The following ANK3 variants were observed in gnomAD, a reference collection of about 807,000 sequenced individuals.
ANK3 encodes ankyrin-3.
A neutral mutation model predicts 370.9 loss-of-function variants in ANK3; 57 were observed. The ratio of observed to expected loss-of-function variants is 0.15; its 90% CI spans 0.12 to 0.19. The LOEUF (loss-of-function observed/expected upper bound fraction) is 0.19, where lower values mean the gene tolerates loss of function less well. Among genes scored for constraint, ANK3 ranks in the 10% least tolerant of loss-of-function variants. The pLI, the probability that ANK3 is intolerant of heterozygous loss-of-function variation, is 1.00. For synonymous variants in ANK3, 1,929 were observed against 1,946.3 expected, an observed-to-expected ratio of 0.99 and a Z score of 0.23; for missense variants, 4,439 against 5,302.1, an observed-to-expected ratio of 0.84 and a Z score of 5.06.
At chr10:60,138,427 C>T in intron 24 of ANK3, 1 of 349,964 alleles carries the variant, frequency 2.9e-6, no homozygotes, top group Non-Finnish European at 5.1e-6. Context: ...CACTGTTATA[C>T]TTCTTACATG....
intron 2 of ANK3, among the ~76,000 whole-genome samples, chr10:60,510,328 G>A (rs758769356): frequency 1.7e-4 from 26 of 152,134 alleles, no homozygotes; most frequent in Non-Finnish European, 2.8e-4. Context: ...TGGCACATGC[G>A]TGGTTTTCTC....
At chr10:60,138,379 GA>G (rs2094440776) in intron 24 of ANK3, 1 of 278,282 alleles carries the variant, frequency 3.6e-6, no homozygotes, top group Admixed American at 5.2e-5. Flanking sequence ...TGTAAGAACT[GA>G]ATTTGTCACC....
chr10:60,676,370 C>T (rs1184597875), intron 1 of ANK3, among the ~76,000 whole-genome samples: 3 of 147,936 alleles, frequency 2.0e-5, no homozygotes, highest in African/African-American at 7.5e-5. Flanking sequence ...GTTTTACATA[C>T]AAGCTTATTA....
intron 1 of ANK3, chr10:60,684,398 G>A (rs2079240203): frequency 4.8e-6 from 3 of 624,662 alleles, no homozygotes; most frequent in Non-Finnish European, 8.0e-6. Context: ...GAGTGAAGGG[G>A]AGGGAAGGAT....
chr10:60,326,849 G>C (rs1593816272), intron 1 of ANK3, among the ~76,000 whole-genome samples: 3 of 150,772 alleles, frequency 2.0e-5, no homozygotes, highest in African/African-American at 7.3e-5. Context: ...GTGAAACCCC[G>C]TCTCTACTAA....
intron 4 of ANK3, among the ~76,000 whole-genome samples, chr10:60,274,944 A>C (rs1282879210): frequency 6.6e-6 from 1 of 152,006 alleles, no homozygotes; most frequent in Admixed American, 6.6e-5. Context: ...TATTGCCATC[A>C]CTCCCTAGCT....
In ANK3 at chr10:60,060,308, TA is replaced by T. The variant is rs2080137253; in HGVS notation, c.12596-879del. The T allele has an allele frequency of 2.7e-5, 5 of 184,692 alleles. No homozygotes were observed. In the South Asian group the frequency reaches 8.6e-4, roughly 32 times the overall value. The allele number at this position is 184,692 out of a possible 1,614,324, so 11.4% of individuals were successfully genotyped here. Reference sequence around the variant, plus strand: ...GCAGACTAAATATATAAAGTTTATATATTTAAGTTTATATAAAGACCAATAT... The same window carrying T: ...GCAGACTAAATATATAAAGTTTATATTTTAAGTTTATATAAAGACCAATAT... On this transcript the variant is annotated intron_variant, in intron 40 of 43. Transcript: ENST00000280772.
At chr10:60,355,636 T>G (rs981854110) in intron 1 of ANK3, among the ~76,000 whole-genome samples, 4 of 152,144 alleles carry the variant, frequency 2.6e-5, no homozygotes, top group African/African-American at 9.7e-5. Flanking sequence ...TCTAACCTAC[T>G]CACAAAAGAC....
chr10:60,680,231 C>T (rs2079177648), intron 1 of ANK3, among the ~76,000 whole-genome samples: 1 of 152,108 alleles, frequency 6.6e-6, no homozygotes, highest in Admixed American at 6.6e-5. Flanking sequence ...GCTTTAAGCC[C>T]CTCAGTTGAA....
intron 2 of ANK3, among the ~76,000 whole-genome samples, chr10:60,411,268 G>A (rs886278718): frequency 8.5e-5 from 13 of 152,312 alleles, no homozygotes; most frequent in African/African-American, 2.9e-4. Context: ...AGTTATGTTC[G>A]GGGTTCAGAG....
At chr10:60,222,575 T>G (rs929473731) in intron 8 of ANK3, among the ~76,000 whole-genome samples, 2 of 152,186 alleles carry the variant, frequency 1.3e-5, no homozygotes, top group Non-Finnish European at 2.9e-5. Flanking sequence ...TGATTTAGGA[T>G]GCCATTCTGT....
chr10:60,093,644 C>T lies in ANK3; in HGVS notation c.3329-5286G>A, dbSNP rs189603074. Among the ~76,000 whole-genome samples, 56 of 152,290 alleles carry T rather than the reference C, an allele frequency of 3.7e-4. 1 individual carries two copies. Among genetic ancestry groups the T allele is most frequent in the African/African-American group, 1.2e-3 (51 of 41,562 alleles). ...AACACCCCCGAAAACGATGACAGCACTGAATTGAGAAGAATTGCCACTTTG... is the reference window on the plus strand; with the variant it reads ...AACACCCCCGAAAACGATGACAGCATTGAATTGAGAAGAATTGCCACTTTG... On this transcript the variant is annotated intron_variant, in intron 28 of 43. Transcript: ENST00000280772.
chr10:60,356,957 C>A (rs538336516), intron 1 of ANK3, among the ~76,000 whole-genome samples: 9 of 152,326 alleles, frequency 5.9e-5, no homozygotes, highest in African/African-American at 2.2e-4. Context: ...GATCCACCCG[C>A]CTTGGCCTCC....
intron 2 of ANK3, among the ~76,000 whole-genome samples, chr10:60,472,712 A>G (rs574548502): frequency 1.3e-5 from 2 of 152,318 alleles, no homozygotes; most frequent in Admixed American, 6.5e-5. Context: ...GGCAACAGCA[A>G]CCGCACAAGC....
intron 18 of ANK3, among the ~76,000 whole-genome samples, chr10:60,177,468 C>T (rs2096001800): frequency 6.6e-6 from 1 of 152,074 alleles, no homozygotes; most frequent in Non-Finnish European, 1.5e-5. Context: ...CTGGCTTTGT[C>T]TCTCCTTTAT....
chr10:60,491,161 C>G lies in ANK3; in HGVS notation c.96+124025G>C, dbSNP rs549059327. On this transcript the variant is annotated intron_variant, in intron 2 of 43. Coordinates refer to the ANK3 transcript ENST00000373827. ...TTAGTATTTCATTCTATGAATATAG[C>G]ACACTATTCATCTATTGGTGGATAT... 2.0e-5 allele frequency among the ~76,000 whole-genome samples: 3 copies of G among 148,636 alleles called. No homozygotes were observed. The South Asian group carries it at 6.5e-4, about 32-fold the overall frequency.
At chr10:60,439,991 C>G (rs983654175) in intron 2 of ANK3, among the ~76,000 whole-genome samples, 12 of 152,180 alleles carry the variant, frequency 7.9e-5, no homozygotes, top group Non-Finnish European at 1.6e-4. Flanking sequence ...GTTTTTCAAT[C>G]TGTACAAAGT....
chr10:60,263,380 T>G (rs2097837620), intron 6 of ANK3, among the ~76,000 whole-genome samples: 1 of 152,150 alleles, frequency 6.6e-6, no homozygotes, highest in Non-Finnish European at 1.5e-5. Flanking sequence ...GTCAAGACGA[T>G]GGGAATTTTT....
chr10:60,596,316 A>G (rs2077987565), intron 2 of ANK3, among the ~76,000 whole-genome samples: 1 of 152,168 alleles, frequency 6.6e-6, no homozygotes, highest in Admixed American at 6.6e-5. Flanking sequence ...AACACTCAAC[A>G]ATAATGAAAT....
Sources: gnomAD v4.1 joint callset for allele counts (sites outside exome capture counted in the v4.1 genomes callset) on GRCh38, gnomAD v4.1.1 for gene constraint, MANE v1.5 for transcripts, NCBI Gene and HGNC (gene_info 2026-07-23, HGNC 2026-07-21) for gene names.